Variants in UBN2 observed in about 807,000 individuals in gnomAD.
The protein encoded by UBN2 is ubinuclein-2.
Under a neutral mutation model 120.2 loss-of-function variants are expected in UBN2, and 35 were observed. The observed-to-expected ratio is 0.29, with a 90% CI of 0.22 to 0.39. The LOEUF is 0.39. UBN2 is among the 10% of genes least tolerant of loss of function. The probability of loss-of-function intolerance (pLI) is 1.00; values close to 1 mark genes in which losing one functional copy is unlikely to be tolerated. For synonymous variants in UBN2, 661 were observed against 648.7 expected, an observed-to-expected ratio of 1.02 and a Z score of -0.29; for missense variants, 1,693 against 1,663.2, an observed-to-expected ratio of 1.02 and a Z score of -0.31.
At chr7:139,319,673 G>A in the UBN2 span, among the ~76,000 whole-genome samples, 4 of 152,144 alleles carry the variant, frequency 2.6e-5, no homozygotes, top group African/African-American at 9.7e-5. Flanking sequence ...ACACGTTCCT[G>A]CTCTCTTTCT....
At position 139,284,468 on chromosome 7, in the gene UBN2, T is replaced by A; in HGVS notation, c.3563T>A (p.Leu1188Gln). The part of the protein sequence containing the change: ...LNSSGANRTS[L>Q]SGGTGSGTQG... ...TCAAGCGGAGCTAATAGGACTAGTC[T>A]GTCTGGGGGAACAGGAAGTGGAACA... Residue 1188 changes from leucine to glutamine, a missense_variant, in exon 15 of 18, where the codon CTG becomes CAG. By Grantham distance (113) the Leu-to-Gln change is moderately radical (BLOSUM62 -2). Coordinates refer to ENST00000473989, the MANE Select transcript of UBN2 (RefSeq NM_173569.4). The A allele has an allele frequency of 6.2e-7, 1 of 1,614,196 alleles. No individual in the cohort carries two copies. Among genetic ancestry groups the A allele is most frequent in the Non-Finnish European group, 8.5e-7 (1 of 1,180,032 alleles).
At chr7:139,328,813 A>G in the UBN2 span, among the ~76,000 whole-genome samples, 1 of 151,130 alleles carries the variant, frequency 6.6e-6, no homozygotes, top group Non-Finnish European at 1.5e-5. Context: ...GCAGTGAGCT[A>G]TGATCATACC....
At chr7:139,310,369 T>C (rs1798431722), downstream of UBN2, among the ~76,000 whole-genome samples, 7 of 152,170 alleles carry the variant, frequency 4.6e-5, 1 homozygote, top group South Asian at 1.5e-3. Context: ...GGGGATCTAA[T>C]GCGTGCAAAG....
At chr7:139,286,411 A>T (rs1467079076) in intron 15 of UBN2, among the ~76,000 whole-genome samples, 2 of 151,884 alleles carry the variant, frequency 1.3e-5, no homozygotes, top group East Asian at 3.9e-4. Flanking sequence ...TATTGTTTTC[A>T]TCTCTATGCC....
At chr7:139,275,209 C>T (rs1456188896) in intron 11 of UBN2, among the ~76,000 whole-genome samples, 1 of 140,366 alleles carries the variant, frequency 7.1e-6, no homozygotes, top group Non-Finnish European at 1.5e-5. Flanking sequence ...ACCCGGGAGG[C>T]AGAGGTTACA....
downstream of UBN2, among the ~76,000 whole-genome samples, chr7:139,309,356 G>A (rs12533740): frequency 0.069 from 10,544 of 152,218 alleles, 703 homozygotes; most frequent in Admixed American, 0.2. Flanking sequence ...CATACATTAG[G>A]GGATGAGGGG....
the UBN2 span, chr7:139,315,497 A>T: frequency 2.6e-5 from 4 of 152,086 alleles, no homozygotes; most frequent in Non-Finnish European, 5.9e-5. Flanking sequence ...ACCCCAAATA[A>T]TATCTCATTG....
Position 139,284,200 on chromosome 7 carries a change from G to T in UBN2, c.3295G>T (p.Ala1099Ser). The T allele has an allele frequency of 6.2e-7, 1 of 1,614,030 alleles. No homozygotes were observed. Among genetic ancestry groups the T allele is most frequent in the Non-Finnish European group, 8.5e-7 (1 of 1,180,018 alleles). Residue 1099 changes from alanine to serine, a missense_variant, in exon 15 of 18, where the codon GCC becomes TCC. Around this residue, in one of 5 missense-constraint regions of UBN2, gnomAD observed 837 missense variants for 817.6 expected, o/e 1.02. Transcript: ENST00000473989. ...PSSSSPNALVAQGSHSSTNSP... is the reference protein window; with the variant it reads ...PSSSSPNALVSQGSHSSTNSP... Reference sequence around the variant, plus strand: ...TAGTTCCAGTCCAAATGCACTAGTTGCCCAGGGTAGCCACTCCAGCACTAA... The same window carrying T: ...TAGTTCCAGTCCAAATGCACTAGTTTCCCAGGGTAGCCACTCCAGCACTAA...
chr7:139,250,802 A>G (rs777546406), intron 2 of UBN2, among the ~76,000 whole-genome samples: 24 of 152,092 alleles, frequency 1.6e-4, no homozygotes, highest in Non-Finnish European at 2.9e-4. Context: ...GTATAATTCT[A>G]ATTATTAAAA....
At chr7:139,234,429 G>T (rs1158695648) in intron 1 of UBN2, among the ~76,000 whole-genome samples, 1 of 152,118 alleles carries the variant, frequency 6.6e-6, no homozygotes, top group East Asian at 1.9e-4. Context: ...ATTTTTCTAT[G>T]CTCTATTTGT....
chr7:139,296,953 G>A (rs983836034), intron 17 of UBN2, among the ~76,000 whole-genome samples: 1 of 152,130 alleles, frequency 6.6e-6, no homozygotes, highest in African/African-American at 2.4e-5. Flanking sequence ...CCAGCACTTT[G>A]GGAGGTTGAG....
At position 139,231,371 on chromosome 7, in the gene UBN2, G is replaced by A; in HGVS notation, c.-114G>A. 1.1e-6 allele frequency: 1 copy of A among 880,226 alleles called. No individual in the cohort carries two copies. The highest frequency in any genetic ancestry group is 1.5e-6 in the Non-Finnish European group (1 of 664,632). 54.5% of individuals were successfully genotyped at this position (880,226 alleles called of 1,614,324 possible). On this transcript the variant is annotated 5_prime_UTR_variant, in exon 1 of 18. Coordinates refer to ENST00000473989, the MANE Select transcript of UBN2 (RefSeq NM_173569.4). ...CCGTGGCGCCGGCGGAGACGGCTGA[G>A]GGTGGTGGAGGGAAGAAAAGCGACA...
chr7:139,231,383 G>A lies in UBN2; in HGVS notation c.-102G>A, dbSNP rs1010236703. 1.4e-5 allele frequency: 14 copies of A among 1,013,926 alleles called. No homozygotes were observed. Among genetic ancestry groups the A allele is most frequent in the Middle Eastern group, 2.4e-4 (1 of 4,142 alleles). The allele number at this position is 1,013,926 out of a possible 1,614,324, so 62.8% of individuals were successfully genotyped here. On this transcript the variant is annotated 5_prime_UTR_variant, in exon 1 of 18. Coordinates refer to ENST00000473989, the MANE Select transcript of UBN2 (RefSeq NM_173569.4). The stretch of plus-strand genomic sequence containing the variant: ...CGGAGACGGCTGAGGGTGGTGGAGG[G>A]AAGAAAAGCGACAGAGAGCAAGAGG...
intron 13 of UBN2, among the ~76,000 whole-genome samples, chr7:139,281,309 A>G (rs1436616549): frequency 6.6e-6 from 1 of 152,176 alleles, no homozygotes; most frequent in Non-Finnish European, 1.5e-5. Flanking sequence ...GTAACTCCCC[A>G]TAGTGTTTCT....
intron 7 of UBN2, among the ~76,000 whole-genome samples, chr7:139,267,993 T>C (rs995501447): frequency 3.9e-5 from 6 of 152,334 alleles, no homozygotes; most frequent in Middle Eastern, 3.4e-3. Flanking sequence ...CTCTTCTTTT[T>C]CTTTCCACCT....
At chr7:139,318,855 G>A in the UBN2 span, among the ~76,000 whole-genome samples, 55 of 152,078 alleles carry the variant, frequency 3.6e-4, no homozygotes, top group Non-Finnish European at 1.3e-4. Flanking sequence ...AAATTCATGC[G>A]CGTGGTAAGG....
Position 139,261,681 on chromosome 7 carries a change from A to G in UBN2, c.1335A>G (p.Val445=), listed in dbSNP as rs1230056799. Residue 445 remains valine (V), a synonymous_variant, in exon 6 of 18, where the codon GTA becomes GTG. Transcript: ENST00000473989. ...TYTSQVMPKV[V]PTLPEGLPVL... The stretch of plus-strand genomic sequence containing the variant: ...CTTCTCAGGTTATGCCCAAAGTGGT[A>G]CCTACACTCCCAGAGGGTCTACCTG... 5 of 1,614,218 alleles carry G rather than the reference A, an allele frequency of 3.1e-6. No homozygotes were observed. The South Asian group carries it at 4.4e-5, about 14-fold the overall frequency.
At chr7:139,322,087 C>T in the UBN2 span, among the ~76,000 whole-genome samples, 1 of 151,998 alleles carries the variant, frequency 6.6e-6, no homozygotes, top group Non-Finnish European at 1.5e-5. Context: ...GATACTCTTG[C>T]CTCAGCCTTC....
chr7:139,252,671 C>T (rs116388934), intron 3 of UBN2, among the ~76,000 whole-genome samples: 3,165 of 152,142 alleles, frequency 0.021, 123 homozygotes, highest in African/African-American at 0.073. Context: ...TGCTCCTTTC[C>T]AGTTCCTGAA....
Sources: allele counts gnomAD v4.1 joint callset (sites outside exome capture counted in the v4.1 genomes callset), GRCh38; gene constraint gnomAD v4.1.1; regional missense constraint gnomAD v4.1.1; transcripts MANE v1.5; gene names NCBI Gene and HGNC (gene_info 2026-07-23, HGNC 2026-07-21).